Variants in CTDSPL observed in about 807,000 individuals in gnomAD.
CTDSPL encodes CTD small phosphatase-like protein.
In CTDSPL, 8 loss-of-function variants were observed where a neutral mutation model predicts 30.5. The ratio of observed to expected loss-of-function variants is 0.26; its 90% CI spans 0.15 to 0.47. The LOEUF is 0.47. Among genes scored for constraint, CTDSPL ranks in the 20% least tolerant of loss-of-function variants. The pLI, the probability that CTDSPL is intolerant of heterozygous loss-of-function variation, is 0.99. For synonymous variants in CTDSPL, 110 were observed against 137.9 expected (o/e 0.80, Z 1.42); for missense variants, 248 against 366.1 (o/e 0.68, Z 2.63).
intron 1 of CTDSPL, among the ~76,000 whole-genome samples, chr3:37,910,309 G>A (rs1698567576): frequency 6.6e-6 from 1 of 151,980 alleles, no homozygotes; most frequent in Non-Finnish European, 1.5e-5. Context: ...GTGAAACCTC[G>A]TCTCTAATAA....
chr3:37,888,640 G>C (rs1023433210), intron 1 of CTDSPL, among the ~76,000 whole-genome samples: 1 of 152,222 alleles, frequency 6.6e-6, no homozygotes, highest in Non-Finnish European at 1.5e-5. Context: ...AAAGGGAACT[G>C]ACTGGTTTAC....
chr3:37,910,438 G>A (rs537500977), intron 1 of CTDSPL, among the ~76,000 whole-genome samples: 6 of 152,192 alleles, frequency 3.9e-5, no homozygotes, highest in South Asian at 2.1e-4. Flanking sequence ...CCAAGATGGC[G>A]CCATTGCACT....
intron 1 of CTDSPL, among the ~76,000 whole-genome samples, chr3:37,913,881 C>T (rs567994537): frequency 5.3e-5 from 8 of 152,132 alleles, no homozygotes; most frequent in Non-Finnish European, 1.0e-4. Flanking sequence ...TTTCAGTATC[C>T]GGTGGGACAA....
intron 1 of CTDSPL, among the ~76,000 whole-genome samples, chr3:37,897,255 C>G (rs142554613): frequency 6.6e-6 from 1 of 152,058 alleles, no homozygotes; most frequent in Non-Finnish European, 1.5e-5. Context: ...TGAACTTTCA[C>G]GTTATGAAAA....
chr3:37,875,969 G>A (rs1031302117), intron 1 of CTDSPL, among the ~76,000 whole-genome samples: 1 of 152,106 alleles, frequency 6.6e-6, no homozygotes, highest in Non-Finnish European at 1.5e-5. Context: ...TTGACTGGGT[G>A]TGGTGGCTCA....
chr3:37,902,620 T>A (rs1471604681), intron 1 of CTDSPL, among the ~76,000 whole-genome samples: 1 of 152,162 alleles, frequency 6.6e-6, no homozygotes, highest in African/African-American at 2.4e-5. Flanking sequence ...TCCTCTTGTT[T>A]CTCCTTCTCT....
chr3:37,975,755 G>A lies in CTDSPL; in HGVS notation c.566G>A (p.Arg189Gln), dbSNP rs1258660914. The change falls in exon 7 of 8, where the codon CGG becomes CAG. Residue 189 changes from arginine to glutamine, a missense_variant. Physicochemically the swap from Arg to Gln is conservative, Grantham distance 43. Transcript: ENST00000273179. This position sits in a 1 kb window ranked among gnomAD's most constrained non-coding sequence, Gnocchi z 4.9. ...ADLLDRWGVF[R>Q]ARLFRESCVF... ...CTCCTAGACCGCTGGGGTGTGTTCC[G>A]GGCCCGGCTCTTCAGAGAATCATGT... 4.3e-6 allele frequency: 7 copies of A among 1,613,864 alleles called. No individual in the cohort carries two copies. Among genetic ancestry groups the A allele is most frequent in the African/African-American group, 2.7e-5 (2 of 74,856 alleles).
intron 1 of CTDSPL, among the ~76,000 whole-genome samples, chr3:37,926,803 T>C (rs1698786492): frequency 6.6e-6 from 1 of 152,216 alleles, no homozygotes; most frequent in African/African-American, 2.4e-5. Context: ...GCAATAGTGA[T>C]AGTGAGCCAG....
Position 37,983,289 on chromosome 3 carries a change from A to ATATCTC in CTDSPL, c.*2427_*2428insCTATCT, listed in dbSNP as rs1699513931. 7.8e-6 allele frequency: 1 copy of ATATCTC among 127,732 alleles called. No individual in the cohort carries two copies. Among genetic ancestry groups the ATATCTC allele is most frequent in the Admixed American group, 7.2e-5 (1 of 13,824 alleles). 7.9% of individuals were successfully genotyped at this position (127,732 alleles called of 1,614,324 possible). ...CTTTATGTACATAATCAAAATATCT[A>ATATCTC]TATCTATATCTATATCTATATCTAT... On this transcript the variant is annotated 3_prime_UTR_variant, in exon 8 of 8. Coordinates refer to ENST00000273179, the MANE Select transcript of CTDSPL (RefSeq NM_001008392.2).
intron 1 of CTDSPL, among the ~76,000 whole-genome samples, chr3:37,893,778 CAGTCTT>C (rs1349912829): frequency 4.6e-5 from 7 of 152,276 alleles, no homozygotes; most frequent in South Asian, 2.1e-4. Context: ...AAATGATTCT[CAGTCTT>C]AGAGCAGATT....
intron 1 of CTDSPL, among the ~76,000 whole-genome samples, chr3:37,943,099 C>A (rs541707727): frequency 6.7e-6 from 1 of 150,000 alleles, no homozygotes; most frequent in South Asian, 2.2e-4. Flanking sequence ...ATATTGGTAC[C>A]CTGAGTGAAG....
chr3:37,915,685 G>GA (rs1312699637), intron 1 of CTDSPL, among the ~76,000 whole-genome samples: 1 of 151,896 alleles, frequency 6.6e-6, no homozygotes, highest in Non-Finnish European at 1.5e-5. Context: ...TACCTCTTTG[G>GA]ACTCTTTAAG....
At chr3:37,952,792 A>G (rs1441998158) in intron 2 of CTDSPL, among the ~76,000 whole-genome samples, 7 of 152,352 alleles carry the variant, frequency 4.6e-5, no homozygotes. Context: ...GGAATGACTC[A>G]TAAGTAGATA....
intron 1 of CTDSPL, among the ~76,000 whole-genome samples, chr3:37,891,463 C>A (rs548775376): frequency 6.6e-6 from 1 of 152,216 alleles, no homozygotes; most frequent in Non-Finnish European, 1.5e-5. Flanking sequence ...CAGCTGCAAG[C>A]GAGGACACAG....
At position 37,960,496 on chromosome 3, in the gene CTDSPL, A is replaced by T. The variant is rs1397596791; in HGVS notation, c.267+3353A>T. On this transcript the variant is annotated intron_variant, in intron 3 of 7. Coordinates refer to ENST00000273179, the MANE Select transcript of CTDSPL (RefSeq NM_001008392.2). ...ACTCTGTCTCAAAAAAAAAAAAAAAAAAAAAAAAAATATATATATATATAT... is the reference window on the plus strand; with the variant it reads ...ACTCTGTCTCAAAAAAAAAAAAAAATAAAAAAAAAATATATATATATATAT... 4.1e-3 allele frequency among the ~76,000 whole-genome samples: 266 copies of T among 65,336 alleles called. 15 individuals carry two copies. Among genetic ancestry groups the T allele is most frequent in the African/African-American group, 0.017 (243 of 14,130 alleles). 42.9% of individuals were successfully genotyped at this position (65,336 alleles called of 152,430 possible).
intron 1 of CTDSPL, among the ~76,000 whole-genome samples, chr3:37,882,214 G>A (rs904098641): frequency 2.6e-5 from 4 of 151,966 alleles, no homozygotes; most frequent in African/African-American, 4.8e-5. Context: ...AGGCCGAGGC[G>A]GGCGGATCAC....
In CTDSPL at chr3:37,862,401, G is replaced by C; in HGVS notation, c.79+123G>C. On this transcript the variant is annotated intron_variant, in intron 1 of 7. Transcript: ENST00000273179. The surrounding 1 kb of genome is among the most constrained non-coding windows in gnomAD (Gnocchi z 4.3). ...TGCACAGGGCCCGGAGGGTGCGTGG[G>C]TGTGGGGTGCGCCCGGAGGAGAGCG... 1 of 736,308 alleles carries C rather than the reference G, an allele frequency of 1.4e-6. No homozygotes were observed. The highest frequency in any genetic ancestry group is 1.9e-6 in the Non-Finnish European group (1 of 537,980). 45.6% of individuals were successfully genotyped at this position (736,308 alleles called of 1,614,324 possible).
At chr3:37,894,548 A>G (rs73056982) in intron 1 of CTDSPL, among the ~76,000 whole-genome samples, 8,455 of 152,150 alleles carry the variant, frequency 0.056, 296 homozygotes, top group African/African-American at 0.1. Context: ...TCTACTCTTT[A>G]TCTTTGGCTT....
intron 1 of CTDSPL, among the ~76,000 whole-genome samples, chr3:37,900,938 C>T (rs1328253458): frequency 6.6e-6 from 1 of 152,132 alleles, no homozygotes; most frequent in Non-Finnish European, 1.5e-5. Flanking sequence ...GCCAGGATTA[C>T]AGGCACATAT....
Sources: allele counts gnomAD v4.1 joint callset (sites outside exome capture counted in the v4.1 genomes callset), GRCh38; gene constraint gnomAD v4.1.1; non-coding constraint Gnocchi (gnomAD v3.1); transcripts MANE v1.5; gene names NCBI Gene and HGNC (gene_info 2026-07-23, HGNC 2026-07-21).